The following NLGN4X variants were observed in gnomAD, a reference collection of about 807,000 sequenced individuals.
The protein encoded by NLGN4X is neuroligin 4 X-linked, also known as neuroligin-4, X-linked.
A neutral mutation model predicts 40.3 loss-of-function variants in NLGN4X; 3 were observed. The observed-to-expected ratio is 0.07, with a 90% CI of 0.03 to 0.19. The LOEUF (loss-of-function observed/expected upper bound fraction) is 0.19, where lower values mean the gene tolerates loss of function less well. NLGN4X is among the 10% of genes least tolerant of loss of function. NLGN4X has a pLI of 1.00. For synonymous variants in NLGN4X, 270 were observed against 306.8 expected, an observed-to-expected ratio of 0.88 and a Z score of 1.25; for missense variants, 382 against 708.3, an observed-to-expected ratio of 0.54 and a Z score of 5.23.
intron 2 of NLGN4X, among the ~76,000 whole-genome samples, chrX:6,076,985 T>C (rs758649834): frequency 1.7e-4 from 19 of 112,029 alleles, no homozygotes; most frequent in Admixed American, 1.5e-3. Flanking sequence ...AACAAAGTCC[T>C]CCATAATGTT....
chrX:5,956,961 GTGTC>G (rs1040333993), intron 3 of NLGN4X, among the ~76,000 whole-genome samples: 3 of 110,433 alleles, frequency 2.7e-5, no homozygotes, highest in South Asian at 7.7e-4. Context: ...ATTCTGTGTG[GTGTC>G]TGTGTGTGTG....
intron 2 of NLGN4X, among the ~76,000 whole-genome samples, chrX:6,136,846 T>C (rs1271921487): frequency 8.0e-5 from 9 of 111,892 alleles, no homozygotes; most frequent in Non-Finnish European, 1.3e-4. Flanking sequence ...GCAGGGGAGA[T>C]AGGACATAGC....
rs759218935 is a variant in NLGN4X, at chrX:6,193,492, T to A, written c.-306+35049A>T. ...CCATCTTAGCACATTGTTCCCTATT[T>A]AAAAAAAAAAAGAAAAACATACCTC... is the stretch of plus-strand genomic sequence containing the variant. On this transcript the variant is annotated intron_variant, in intron 1 of 5. Transcript: ENST00000381095. 6.4e-5 allele frequency among the ~76,000 whole-genome samples: 6 copies of A among 93,504 alleles called. No individual in the cohort carries two copies. The East Asian group carries it at 9.6e-4, about 15-fold the overall frequency. 81.2% of individuals were successfully genotyped at this position (93,504 alleles called of 115,157 possible). A position where few individuals can be genotyped will look rare whatever the true frequency, so the allele number is the denominator to read the frequency against.
At chrX:6,134,819 A>C (rs5916312) in intron 2 of NLGN4X, among the ~76,000 whole-genome samples, 48,440 of 111,295 alleles carry the variant, frequency 0.44, 7,473 homozygotes, top group Middle Eastern at 0.49. Context: ...AAAGAAGTCT[A>C]CTGAGCAGAA....
chrX:6,213,128 C>A (rs1322295626), intron 1 of NLGN4X, among the ~76,000 whole-genome samples: 1 of 108,941 alleles, frequency 9.2e-6, no homozygotes, highest in Non-Finnish European at 1.9e-5. Context: ...GACAAACTCT[C>A]TGTCAGCCAG....
chrX:6,220,025 G>GA (rs1925516105), intron 1 of NLGN4X, among the ~76,000 whole-genome samples: 43 of 107,196 alleles, frequency 4.0e-4, no homozygotes, highest in African/African-American at 1.5e-3. Context: ...TTTTTTTTAT[G>GA]TGGTAGTGGA....
chrX:5,992,380 AG>A (rs1282482206), intron 3 of NLGN4X, among the ~76,000 whole-genome samples: 2 of 111,655 alleles, frequency 1.8e-5, no homozygotes, highest in Non-Finnish European at 3.8e-5. Flanking sequence ...CTGAAGCAGG[AG>A]GACCGCTTGA....
intron 3 of NLGN4X, among the ~76,000 whole-genome samples, chrX:5,932,158 G>T (rs2033568819): frequency 9.0e-6 from 1 of 111,307 alleles, no homozygotes; most frequent in African/African-American, 3.3e-5. Context: ...CACACCCCCA[G>T]GAATGAAGCT....
intron 1 of NLGN4X, chrX:6,227,852 C>G (rs1926518603): frequency 9.1e-6 from 1 of 110,111 alleles, no homozygotes; most frequent in Non-Finnish European, 1.9e-5. Flanking sequence ...TTAAATGCGA[C>G]CCCAACCAAG....
intron 2 of NLGN4X, among the ~76,000 whole-genome samples, chrX:6,124,631 G>A (rs1252859112): frequency 9.0e-6 from 1 of 111,647 alleles, no homozygotes; most frequent in African/African-American, 3.3e-5. Flanking sequence ...GCAGTGAGCC[G>A]AGATCAGGCC....
chrX:6,137,690 G>GT (rs745850407), intron 2 of NLGN4X, among the ~76,000 whole-genome samples: 2 of 112,012 alleles, frequency 1.8e-5, no homozygotes, highest in Non-Finnish European at 3.8e-5. Flanking sequence ...ATGATGACAA[G>GT]TAACTACAAA....
rs574174256 is a variant in NLGN4X at position 5,892,449 on chromosome X, C to T, written c.*368G>A. 1.3e-5 allele frequency: 3 copies of T among 223,131 alleles called. No homozygotes were observed. In the South Asian group the frequency reaches 2.1e-4, roughly 16 times the overall value. 18.4% of individuals were successfully genotyped at this position (223,131 alleles called of 1,213,427 possible). On this transcript the variant is annotated 3_prime_UTR_variant, in exon 6 of 6. Coordinates refer to ENST00000381095, the MANE Select transcript of NLGN4X (RefSeq NM_181332.3). The stretch of plus-strand genomic sequence containing the variant: ...ATTAAAAAATATCAAGTGTCCTTGG[C>T]TGAGTTTCAGAAGTGTCAGCTGCTT...
At chrX:6,014,912 TG>T (rs938054425) in intron 3 of NLGN4X, among the ~76,000 whole-genome samples, 1 of 111,915 alleles carries the variant, frequency 8.9e-6, no homozygotes, top group Admixed American at 9.5e-5. Context: ...TCAGGGACTC[TG>T]TGGCCACAGG....
rs764694681 is a variant in NLGN4X, at chrX:6,154,124, T to C, written c.-305-2353A>G. 3.6e-5 allele frequency among the ~76,000 whole-genome samples: 4 copies of C among 112,050 alleles called. No individual in the cohort carries two copies. The East Asian group carries it at 8.5e-4, about 24-fold the overall frequency. ...GTACAATGTACAGTATTTTGCAGCATCCCTGACCTCTACTCACTAGATGAT... is the reference window on the plus strand; with the variant it reads ...GTACAATGTACAGTATTTTGCAGCACCCCTGACCTCTACTCACTAGATGAT... On this transcript the variant is annotated intron_variant, in intron 1 of 5. Coordinates refer to ENST00000381095, the MANE Select transcript of NLGN4X (RefSeq NM_181332.3).
intron 2 of NLGN4X, among the ~76,000 whole-genome samples, chrX:6,074,009 T>C (rs754955450): frequency 9.1e-6 from 1 of 110,332 alleles, no homozygotes; most frequent in Admixed American, 9.7e-5. Flanking sequence ...CAGGGACATT[T>C]GTCTTTGTTC....
chrX:6,102,429 A>G (rs1472154943), intron 2 of NLGN4X, among the ~76,000 whole-genome samples: 1 of 111,543 alleles, frequency 9.0e-6, no homozygotes, highest in Non-Finnish European at 1.9e-5. Flanking sequence ...GGGATCCCAC[A>G]GAGCTCCCTT....
At chrX:5,961,434 T>C (rs749525182) in intron 3 of NLGN4X, among the ~76,000 whole-genome samples, 20 of 112,404 alleles carry the variant, frequency 1.8e-4, no homozygotes, top group African/African-American at 3.2e-4. Flanking sequence ...AACAGGTATA[T>C]AGATTTGCCT....
chrX:5,900,585 TTTTTAA>T (rs2031796470), intron 5 of NLGN4X, among the ~76,000 whole-genome samples: 3 of 49,868 alleles, frequency 6.0e-5, no homozygotes, highest in Non-Finnish European at 1.5e-4. Context: ...TTTTTTTTTT[TTTTTAA>T]AGATAAAGGT....
chrX:5,993,603 T>C (rs1040347288), intron 3 of NLGN4X, among the ~76,000 whole-genome samples: 1 of 112,148 alleles, frequency 8.9e-6, no homozygotes, highest in Non-Finnish European at 1.9e-5. Flanking sequence ...AAGCAAGGCC[T>C]AGTAACAGAC....
Sources: gnomAD v4.1 joint callset for allele counts (sites outside exome capture counted in the v4.1 genomes callset) on GRCh38, gnomAD v4.1.1 for gene constraint, MANE v1.5 for transcripts, NCBI Gene and HGNC (gene_info 2026-07-23, HGNC 2026-07-21) for gene names.